PGM1: variants seen among roughly 807,000 people sequenced by gnomAD.
PGM1 encodes phosphoglucomutase 1.
In PGM1, 52 loss-of-function variants were observed where a neutral mutation model predicts 55.6. The observed-to-expected ratio is 0.94, with a 90% CI of 0.75 to 1.18. The LOEUF (loss-of-function observed/expected upper bound fraction) is 1.18. PGM1 is among the 50% of genes most tolerant of loss of function. The probability of loss-of-function intolerance (pLI) is 0.00; values close to 1 mark genes in which losing one functional copy is unlikely to be tolerated. For missense variants in PGM1, 724 were observed against 729.3 expected, an observed-to-expected ratio of 0.99 and a Z score of 0.08; for synonymous variants, 287 against 271.7, an observed-to-expected ratio of 1.06 and a Z score of -0.55.
intron 4 of PGM1, 32 bp from the exon 5 acceptor site, chr1:63,634,797 T>C (rs1218679170): frequency 6.3e-7 from 1 of 1,580,288 alleles, no homozygotes; most frequent in Admixed American, 1.7e-5. Flanking sequence ...TATTTTCTGA[T>C]TCTGCATACA....
rs368334587 is a variant in PGM1 at position 63,634,906 on chromosome 1, C to T, written c.760C>T (p.Leu254=). 1 of 1,613,926 alleles carries T rather than the reference C, an allele frequency of 6.2e-7. No individual in the cohort carries two copies. Among genetic ancestry groups the T allele is most frequent in the Non-Finnish European group, 8.5e-7 (1 of 1,179,958 alleles). Residue 254 remains leucine, a synonymous_variant, in exon 5 of 11, where the codon CTG becomes TTG. Coordinates refer to ENST00000371084, the MANE Select transcript of PGM1 (RefSeq NM_002633.3). ...PANSAVNCVP[L]EDFGGHHPDP... ...GAACTCGGCAGTTAACTGCGTTCCT[C>T]TGGAGGACTTTGGAGGCCACCACCC...
chr1:63,637,012 A>G (rs997883082), intron 6 of PGM1, among the ~76,000 whole-genome samples: 1 of 152,218 alleles, frequency 6.6e-6, no homozygotes, highest in Admixed American at 6.5e-5. Context: ...TAAAAAGTTG[A>G]AAAATGAAAG....
intron 9 of PGM1, 91 bp downstream of exon 9, chr1:63,651,943 A>C (rs943971995): frequency 2.4e-6 from 3 of 1,253,132 alleles, no homozygotes; most frequent in Non-Finnish European, 3.5e-6. Flanking sequence ...CCTGTTGGCT[A>C]TTTTTCTTTT....
Position 63,654,471 on chromosome 1 carries a change from C to T in PGM1, c.1599+5C>T, listed in dbSNP as rs779991522. The T allele has an allele frequency of 4.8e-5, 77 of 1,613,646 alleles. No individual in the cohort carries two copies. Among genetic ancestry groups the T allele is most frequent in the South Asian group, 1.2e-4 (11 of 91,064 alleles). Reference sequence around the variant, plus strand: ...AAGATTAACCAGGACCCCCAGGTAACGCCCAGCCCTGTGCCCTGGTTAGTT... The same window carrying T: ...AAGATTAACCAGGACCCCCAGGTAATGCCCAGCCCTGTGCCCTGGTTAGTT... On this transcript the variant is annotated splice_donor_5th_base_variant and intron_variant, in intron 10 of 10. Transcript: ENST00000371084.
At chr1:63,631,866 C>A in intron 4 of PGM1, 84 bp downstream of exon 4, 7 of 1,310,464 alleles carry the variant, frequency 5.3e-6, no homozygotes, top group Middle Eastern at 3.7e-4. Flanking sequence ...CTTCAACAAG[C>A]CTTTTCTCAA....
At chr1:63,654,601 T>G in intron 10 of PGM1, 135 bp downstream of exon 10, 1 of 794,368 alleles carries the variant, frequency 1.3e-6, no homozygotes, top group South Asian at 1.5e-5. Context: ...CTTCCATGTT[T>G]CTTTCTCCAT....
At chr1:63,603,218 G>T (rs962123664) in intron 1 of PGM1, among the ~76,000 whole-genome samples, 1 of 152,164 alleles carries the variant, frequency 6.6e-6, no homozygotes, top group Non-Finnish European at 1.5e-5. Context: ...AACCTTTCAG[G>T]TGTCCCAGGT....
chr1:63,638,010 T>TA, intron 6 of PGM1, among the ~76,000 whole-genome samples: 1 of 151,976 alleles, frequency 6.6e-6, no homozygotes, highest in African/African-American at 2.4e-5. Context: ...AAAGGAATTT[T>TA]TTTTTAAGTC....
intron 4 of PGM1, among the ~76,000 whole-genome samples, chr1:63,633,895 T>C (rs1275405168): frequency 6.0e-5 from 3 of 50,022 alleles, no homozygotes; most frequent in Non-Finnish European, 7.5e-5. Flanking sequence ...TGTGTGTGTG[T>C]GTGTGTGTGT....
intron 1 of PGM1, chr1:63,594,197 TG>T (rs1489740115): frequency 5.6e-6 from 5 of 893,342 alleles, no homozygotes; most frequent in Non-Finnish European, 1.3e-6. Flanking sequence ...CCCGCTCCTC[TG>T]CTATTCTCGG....
rs1570503713 is a variant in PGM1, at chr1:63,638,745, G to A, written c.1089G>A (p.Gly363=). 1 of 1,614,082 alleles carries A rather than the reference G, an allele frequency of 6.2e-7. No homozygotes were observed. The highest frequency in any genetic ancestry group is 8.5e-7 in the Non-Finnish European group (1 of 1,179,990). The change falls in exon 7 of 11, where the codon GGG becomes GGA. Residue 363 remains glycine, a synonymous_variant. Transcript: ENST00000371084. ...YETPTGWKFF[G]NLMDASKLSL... ...CCCCAACTGGCTGGAAGTTTTTTGG[G>A]AATTTGATGGACGCGAGCAAACTGT...
At chr1:63,624,948 G>A (rs1349627767) in intron 1 of PGM1, among the ~76,000 whole-genome samples, 3 of 152,150 alleles carry the variant, frequency 2.0e-5, no homozygotes, top group Non-Finnish European at 4.4e-5. Context: ...ACTCAAATAT[G>A]AAATTATTAT....
intron 1 of PGM1, among the ~76,000 whole-genome samples, chr1:63,607,300 C>T (rs1376488771): frequency 6.6e-6 from 1 of 152,132 alleles, no homozygotes; most frequent in African/African-American, 2.4e-5. Context: ...GTGTCAGGAG[C>T]AGTGGAATTA....
intron 1 of PGM1, among the ~76,000 whole-genome samples, chr1:63,598,696 T>C (rs960216884): frequency 6.6e-6 from 1 of 152,236 alleles, no homozygotes; most frequent in Non-Finnish European, 1.5e-5. Context: ...TTCATATTCA[T>C]GGATCCCATT....
chr1:63,599,172 C>CT (rs1553177434), intron 1 of PGM1, among the ~76,000 whole-genome samples: 27 of 149,126 alleles, frequency 1.8e-4, no homozygotes, highest in Admixed American at 6.0e-4. Flanking sequence ...CTTCAAGTCA[C>CT]TTTTTTTTTT....
chr1:63,615,994 T>C (rs779238045), intron 1 of PGM1, among the ~76,000 whole-genome samples: 31 of 152,206 alleles, frequency 2.0e-4, no homozygotes, highest in Non-Finnish European at 4.3e-4. Flanking sequence ...GCAATCTTGC[T>C]TGTTTTTCCA....
chr1:63,644,649 C>T (rs1045302899), intron 7 of PGM1, among the ~76,000 whole-genome samples: 1 of 152,162 alleles, frequency 6.6e-6, no homozygotes, highest in African/African-American at 2.4e-5. Context: ...CATTACACCT[C>T]ACAATGTATA....
chr1:63,629,407 C>T lies in PGM1; in HGVS notation c.247-18C>T, dbSNP rs1025914758. On this transcript the variant is annotated intron_variant, in intron 1 of 10. Coordinates refer to ENST00000371084, the MANE Select transcript of PGM1 (RefSeq NM_002633.3). ...ATGTATTGATGTTAAAGAGTGTGTT[C>T]TGGATTTCTTCTCCTAGATCGGTCG... 6.2e-7 allele frequency: 1 copy of T among 1,610,922 alleles called. No homozygotes were observed.
At chr1:63,635,708 G>A (rs890033045) in intron 5 of PGM1, among the ~76,000 whole-genome samples, 7 of 152,310 alleles carry the variant, frequency 4.6e-5, no homozygotes, top group Admixed American at 1.3e-4. Flanking sequence ...TTATCAAAAT[G>A]TTGGGAAATT....
Sources: gnomAD v4.1 joint callset for allele counts (sites outside exome capture counted in the v4.1 genomes callset) on GRCh38, gnomAD v4.1.1 for gene constraint, MANE v1.5 for transcripts, NCBI Gene and HGNC (gene_info 2026-07-23, HGNC 2026-07-21) for gene names.